Variants in PTPRG observed in about 807,000 individuals in gnomAD.
The protein encoded by PTPRG is receptor-type tyrosine-protein phosphatase gamma.
PTPRG carries 102 observed loss-of-function variants against 165.3 expected under a neutral mutation model. That is an observed-to-expected ratio of 0.62 (90% CI 0.53 to 0.73). PTPRG has a LOEUF of 0.73. PTPRG is among the 30% of genes least tolerant of loss of function. The pLI, the probability that PTPRG is intolerant of heterozygous loss-of-function variation, is 0.00. For synonymous variants in PTPRG, 675 were observed against 669.5 expected (o/e 1.01, Z -0.13); for missense variants, 1,866 against 1,861.4 (o/e 1.00, Z -0.05).
At chr3:62,172,063 G>T (rs960743504) in intron 8 of PTPRG, among the ~76,000 whole-genome samples, 1 of 152,160 alleles carries the variant, frequency 6.6e-6, no homozygotes, top group African/African-American at 2.4e-5. Context: ...ATTGGGGGCT[G>T]TGTATCAGAA....
intron 1 of PTPRG, among the ~76,000 whole-genome samples, chr3:61,659,612 A>G (rs138097822): frequency 1.3e-5 from 2 of 152,166 alleles, no homozygotes; most frequent in African/African-American, 2.4e-5. Context: ...ATTAGATTCC[A>G]TGTGGTATAC....
At chr3:61,794,122 G>T (rs2034976997) in intron 2 of PTPRG, among the ~76,000 whole-genome samples, 2 of 151,980 alleles carry the variant, frequency 1.3e-5, no homozygotes, top group African/African-American at 2.4e-5. Context: ...AGGCCATTTT[G>T]CATGAATGCT....
chr3:62,290,775 AG>A (rs1349059336), intron 28 of PTPRG, among the ~76,000 whole-genome samples: 3 of 152,272 alleles, frequency 2.0e-5, no homozygotes, highest in South Asian at 4.1e-4. Context: ...AGCAAGAATA[AG>A]ACTCAGATGA....
Position 62,190,413 on chromosome 3 carries a change from G to T in PTPRG, c.1034-1056G>T, listed in dbSNP as rs1477206808. On this transcript the variant is annotated intron_variant, in intron 8 of 29. Coordinates refer to ENST00000474889, the MANE Select transcript of PTPRG (RefSeq NM_002841.4). The surrounding 1 kb of genome is among the most constrained non-coding windows in gnomAD (Gnocchi z 5.2). ...CACGGGTCTGGACACCCCTGAGAAA[G>T]CACACATTTCCGGCTGACTGGATTG... Among the ~76,000 whole-genome samples, 2 of 152,192 alleles carry T rather than the reference G, an allele frequency of 1.3e-5. No individual in the cohort carries two copies. The highest frequency in any genetic ancestry group is 2.1e-4 in the South Asian group (1 of 4,828).
intron 1 of PTPRG, among the ~76,000 whole-genome samples, chr3:61,697,725 T>C (rs920079352): frequency 3.3e-4 from 50 of 152,210 alleles, no homozygotes; most frequent in African/African-American, 1.2e-3. Flanking sequence ...CTAAAAATCA[T>C]TTATTGCTCC....
In PTPRG at chr3:62,292,466, G is replaced by A. The variant is rs1248473597; in HGVS notation, c.4101G>A (p.Leu1367=). Residue 1367 remains leucine (L), a synonymous_variant, in exon 29 of 30, where the codon CTG becomes CTA. Coordinates refer to ENST00000474889, the MANE Select transcript of PTPRG (RefSeq NM_002841.4). ...SAGMLCALTT[L]SQQLENENAV... is the part of the protein sequence containing the mutation. ...GAATGTTATGTGCCCTTACCACCCTGTCCCAGCAACTGGAGAATGAAAATG... is the reference window on the plus strand; with the variant it reads ...GAATGTTATGTGCCCTTACCACCCTATCCCAGCAACTGGAGAATGAAAATG... 1 of 1,613,376 alleles carries A rather than the reference G, an allele frequency of 6.2e-7. No homozygotes were observed. The highest frequency in any genetic ancestry group is 1.3e-5 in the African/African-American group (1 of 74,852).
intron 3 of PTPRG, among the ~76,000 whole-genome samples, chr3:61,998,535 A>G (rs867348087): frequency 6.6e-6 from 1 of 152,228 alleles, no homozygotes; most frequent in Admixed American, 6.5e-5. Context: ...GTAAGTGGAC[A>G]GTGGCAGAAC....
intron 26 of PTPRG, 26 bp from the exon 27 acceptor site, chr3:62,281,537 G>GTTTTTT: frequency 5.7e-6 from 1 of 174,776 alleles, no homozygotes; most frequent in African/African-American, 1.3e-4. Flanking sequence ...AACTGCAGAG[G>GTTTTTT]CTTTTTTTTT....
At position 62,277,017 on chromosome 3, in the gene PTPRG, G is replaced by A. The variant is rs1456144659; in HGVS notation, c.3605G>A (p.Gly1202Glu). 3 of 1,613,004 alleles carry A rather than the reference G, an allele frequency of 1.9e-6. No homozygotes were observed. The highest frequency in any genetic ancestry group is 2.5e-6 in the Non-Finnish European group (3 of 1,179,250). ...CTTGCACCATTGCCTGGAATGAAAG[G>A]AACAGATTACATTAATGCTTCTTAT... ...VGLAPLPGMK[G>E]TDYINASYIM... The change falls in exon 25 of 30, where the codon GGA (glycine) becomes GAA (glutamate). Residue 1202 changes from glycine (G) to glutamate (E), a missense_variant. Transcript: ENST00000474889.
At chr3:62,274,649 A>T (rs771038819) in intron 23 of PTPRG, among the ~76,000 whole-genome samples, 3 of 152,196 alleles carry the variant, frequency 2.0e-5, no homozygotes, top group Non-Finnish European at 4.4e-5. Context: ...CCATAGACTG[A>T]AACTTTCATT....
At chr3:61,567,306 C>T (rs1362896559) in intron 1 of PTPRG, among the ~76,000 whole-genome samples, 1 of 152,102 alleles carries the variant, frequency 6.6e-6, no homozygotes, top group Non-Finnish European at 1.5e-5. Flanking sequence ...CTGAGAAGAG[C>T]CTGCTCTGTG....
chr3:62,111,763 ATT>A (rs1702675837), intron 5 of PTPRG, among the ~76,000 whole-genome samples: 1 of 151,986 alleles, frequency 6.6e-6, no homozygotes, highest in Non-Finnish European at 1.5e-5. Flanking sequence ...CTAACATAGT[ATT>A]CCAGAAATAT....
At chr3:62,091,332 C>G (rs1478274081) in intron 5 of PTPRG, among the ~76,000 whole-genome samples, 1 of 152,148 alleles carries the variant, frequency 6.6e-6, no homozygotes, top group East Asian at 1.9e-4. Context: ...TTCAAATTTC[C>G]TCAAGGAGCA....
At chr3:61,824,551 C>CA (rs2036054079) in intron 2 of PTPRG, among the ~76,000 whole-genome samples, 1 of 152,054 alleles carries the variant, frequency 6.6e-6, no homozygotes, top group African/African-American at 2.4e-5. Flanking sequence ...GATTTCTCAG[C>CA]AAGTATGGTG....
intron 15 of PTPRG, among the ~76,000 whole-genome samples, chr3:62,253,179 T>TA (rs2106979053): frequency 6.6e-6 from 1 of 152,328 alleles, no homozygotes; most frequent in South Asian, 2.1e-4. Flanking sequence ...CTGTGGTTTT[T>TA]ACCTTACAGA....
chr3:61,858,326 C>A (rs1032771228), intron 2 of PTPRG, among the ~76,000 whole-genome samples: 2 of 152,140 alleles, frequency 1.3e-5, no homozygotes, highest in Non-Finnish European at 2.9e-5. Flanking sequence ...GTATTTCAAT[C>A]GTTTTTTATT....
intron 5 of PTPRG, among the ~76,000 whole-genome samples, chr3:62,094,837 A>G (rs1575995982): frequency 6.6e-6 from 1 of 152,256 alleles, no homozygotes; most frequent in Non-Finnish European, 1.5e-5. Flanking sequence ...TTAGAAGCCC[A>G]GAAGCAGTTC....
At chr3:61,623,215 G>A (rs1455934598) in intron 1 of PTPRG, among the ~76,000 whole-genome samples, 1 of 152,214 alleles carries the variant, frequency 6.6e-6, no homozygotes, top group African/African-American at 2.4e-5. Context: ...AATCAGGACA[G>A]TGGGAGCTAA....
chr3:62,172,104 C>T (rs919190267), intron 8 of PTPRG, among the ~76,000 whole-genome samples: 5 of 152,156 alleles, frequency 3.3e-5, no homozygotes, highest in African/African-American at 1.2e-4. Flanking sequence ...AAGTAATATA[C>T]CACATAATAT....
Sources: gnomAD v4.1 joint callset for allele counts (sites outside exome capture counted in the v4.1 genomes callset) on GRCh38, gnomAD v4.1.1 for gene constraint, Gnocchi (gnomAD v3.1) non-coding constraint, MANE v1.5 for transcripts, NCBI Gene and HGNC (gene_info 2026-07-23, HGNC 2026-07-21) for gene names.